The following GRM7 variants were observed in gnomAD, a reference collection of about 807,000 sequenced individuals.
GRM7 encodes the protein glutamate metabotropic receptor 7, also known as metabotropic glutamate receptor 7.
GRM7 carries 35 observed loss-of-function variants against 84.5 expected under a neutral mutation model. The ratio of observed to expected loss-of-function variants is 0.41; its 90% CI spans 0.32 to 0.55. The LOEUF is 0.55. Among genes scored for constraint, GRM7 ranks in the 20% least tolerant of loss-of-function variants. The pLI, the probability that GRM7 is intolerant of heterozygous loss-of-function variation, is 0.19. For missense variants in GRM7, 1,003 were observed against 1,194.6 expected, an observed-to-expected ratio of 0.84 and a Z score of 2.36; for synonymous variants, 487 against 455.1, an observed-to-expected ratio of 1.07 and a Z score of -0.89.
At chr3:6,920,739 T>A (rs1261124507) in intron 1 of GRM7, among the ~76,000 whole-genome samples, 1 of 152,132 alleles carries the variant, frequency 6.6e-6, no homozygotes, top group Non-Finnish European at 1.5e-5. Flanking sequence ...GGTCTCCTTC[T>A]CCTTTTGGAT....
At chr3:7,283,150 T>G (rs971183008) in intron 2 of GRM7, among the ~76,000 whole-genome samples, 2 of 152,094 alleles carry the variant, frequency 1.3e-5, no homozygotes, top group African/African-American at 4.8e-5. Context: ...TAGGGAATGG[T>G]GAAGACCATG....
chr3:6,893,913 T>G (rs552748180), intron 1 of GRM7: 1 of 152,286 alleles, frequency 6.6e-6, no homozygotes, highest in South Asian at 2.1e-4. Context: ...TGACATGAGA[T>G]GCTCACCTAA....
At chr3:7,179,670 T>G (rs1251337374) in intron 2 of GRM7, among the ~76,000 whole-genome samples, 1 of 152,196 alleles carries the variant, frequency 6.6e-6, no homozygotes, top group Non-Finnish European at 1.5e-5. Context: ...GTAACTTGCC[T>G]CCTACTTGAT....
intron 7 of GRM7, among the ~76,000 whole-genome samples, chr3:7,526,343 CTTT>C (rs1263080116): frequency 6.7e-6 from 1 of 148,772 alleles, no homozygotes; most frequent in Non-Finnish European, 1.5e-5. Context: ...TGTATGCCTT[CTTT>C]TAAGAAGTGT....
chr3:7,531,725 A>C lies in GRM7; in HGVS notation c.1516-46697A>C, dbSNP rs559101453. 3.3e-5 allele frequency among the ~76,000 whole-genome samples: 5 copies of C among 152,262 alleles called. No homozygotes were observed. The South Asian group carries it at 8.3e-4, about 25-fold the overall frequency. ...GGGGCTGAGATGATGAGGTTTTCTA[A>C]ATAGACAATCATGTAATCTGCAAAC... On this transcript the variant is annotated intron_variant, in intron 7 of 9. Transcript: ENST00000357716.
At chr3:7,621,734 A>G (rs1697367471) in intron 8 of GRM7, among the ~76,000 whole-genome samples, 1 of 152,128 alleles carries the variant, frequency 6.6e-6, no homozygotes, top group Admixed American at 6.6e-5. Flanking sequence ...GCTCACAGCA[A>G]TTACAGAAAA....
intron 1 of GRM7, among the ~76,000 whole-genome samples, chr3:6,914,067 T>C (rs888629212): frequency 6.6e-6 from 1 of 152,180 alleles, no homozygotes; most frequent in Non-Finnish European, 1.5e-5. Context: ...TGTTTTCTCC[T>C]TTTCTGTTCC....
intron 1 of GRM7, among the ~76,000 whole-genome samples, chr3:7,005,756 C>G (rs1695161402): frequency 6.6e-6 from 1 of 152,194 alleles, no homozygotes; most frequent in South Asian, 2.1e-4. Context: ...CCGAAAATGA[C>G]ATCAAGTTAT....
intron 3 of GRM7, among the ~76,000 whole-genome samples, chr3:7,303,698 G>A (rs1329759248): frequency 2.0e-5 from 3 of 151,932 alleles, no homozygotes; most frequent in East Asian, 3.9e-4. Context: ...GTTGTTATAG[G>A]CCTTTCACTT....
intron 7 of GRM7, among the ~76,000 whole-genome samples, chr3:7,476,600 A>C (rs1559349728): frequency 6.6e-6 from 1 of 152,180 alleles, no homozygotes; most frequent in Non-Finnish European, 1.5e-5. Flanking sequence ...TGGCTGATAC[A>C]ATAAATATTT....
chr3:6,869,242 C>G (rs1695034403), intron 1 of GRM7, among the ~76,000 whole-genome samples: 1 of 152,044 alleles, frequency 6.6e-6, no homozygotes, highest in Non-Finnish European at 1.5e-5. Flanking sequence ...TACTGCCTGT[C>G]TGACGTTGAT....
At chr3:7,323,903 A>G (rs1463160781) in intron 4 of GRM7, among the ~76,000 whole-genome samples, 2 of 152,184 alleles carry the variant, frequency 1.3e-5, no homozygotes, top group Non-Finnish European at 2.9e-5. Flanking sequence ...TTTGCCCACT[A>G]TAATCTATCA....
chr3:7,501,366 AG>A (rs1482497248), intron 7 of GRM7, among the ~76,000 whole-genome samples: 1 of 152,216 alleles, frequency 6.6e-6, no homozygotes, highest in East Asian at 1.9e-4. Flanking sequence ...GAACACTTGC[AG>A]CTTCTGCTTT....
chr3:7,659,010 A>G (rs2125121386), intron 8 of GRM7, among the ~76,000 whole-genome samples: 1 of 152,336 alleles, frequency 6.6e-6, no homozygotes, highest in East Asian at 1.9e-4. Flanking sequence ...TCTGCAAACC[A>G]AAGTTTTAAA....
At chr3:7,313,867 G>A (rs1700491668) in intron 4 of GRM7, among the ~76,000 whole-genome samples, 1 of 152,086 alleles carries the variant, frequency 6.6e-6, no homozygotes, top group South Asian at 2.1e-4. Flanking sequence ...TTACAATCAT[G>A]AAGTCAGTAC....
At chr3:7,206,688 A>G (rs958826281) in intron 2 of GRM7, among the ~76,000 whole-genome samples, 1 of 152,196 alleles carries the variant, frequency 6.6e-6, no homozygotes, top group East Asian at 1.9e-4. Context: ...AAGCAAAAGG[A>G]GAGATGGCAC....
intron 1 of GRM7, among the ~76,000 whole-genome samples, chr3:7,115,928 A>G (rs1272017335): frequency 6.6e-6 from 1 of 152,132 alleles, no homozygotes; most frequent in Non-Finnish European, 1.5e-5. Flanking sequence ...CAAGGATCAG[A>G]AAATTACCTT....
intron 2 of GRM7, among the ~76,000 whole-genome samples, chr3:7,240,984 G>A (rs1324011217): frequency 6.6e-6 from 1 of 152,140 alleles, no homozygotes; most frequent in African/African-American, 2.4e-5. Context: ...TGTAGCCTAT[G>A]TATGTAATAG....
At chr3:7,320,738 C>T (rs1393614619) in intron 4 of GRM7, among the ~76,000 whole-genome samples, 2 of 142,558 alleles carry the variant, frequency 1.4e-5, no homozygotes, top group Admixed American at 1.4e-4. Context: ...TTTCACCCAA[C>T]ATAATGTTTT....
Sources: allele counts gnomAD v4.1 joint callset (sites outside exome capture counted in the v4.1 genomes callset), GRCh38; gene constraint gnomAD v4.1.1; transcripts MANE v1.5; gene names NCBI Gene and HGNC (gene_info 2026-07-23, HGNC 2026-07-21).